Variants in TRAK1 observed in about 807,000 individuals in gnomAD.
TRAK1 encodes the protein trafficking kinesin-binding protein 1.
Under a neutral mutation model 92.1 loss-of-function variants are expected in TRAK1, and 33 were observed. The ratio of observed to expected loss-of-function variants is 0.36; its 90% confidence interval spans 0.27 to 0.48. TRAK1 has a LOEUF of 0.48. Ranked by LOEUF, TRAK1 falls within the 20% of genes least tolerant of loss-of-function variation. TRAK1 has a pLI of 0.99. For missense variants in TRAK1, 1,123 were observed against 1,257.9 expected (o/e 0.89, Z 1.62); for synonymous variants, 521 against 517.3 (o/e 1.01, Z -0.10).
intron 2 of TRAK1, among the ~76,000 whole-genome samples, chr3:42,131,044 G>A (rs73828569): frequency 0.11 from 16,527 of 152,120 alleles, 1,098 homozygotes; most frequent in African/African-American, 0.18. Context: ...GCGTTTATAC[G>A]GTTGGTTTTA....
intron 2 of TRAK1, among the ~76,000 whole-genome samples, chr3:42,130,930 A>G (rs989774284): frequency 1.3e-5 from 2 of 151,676 alleles, no homozygotes; most frequent in East Asian, 3.9e-4. Context: ...TCTCCTCACC[A>G]CTCTAGAGTT....
chr3:42,035,624 C>A (rs1227333579), intron 1 of TRAK1, among the ~76,000 whole-genome samples: 1 of 152,238 alleles, frequency 6.6e-6, no homozygotes, highest in Non-Finnish European at 1.5e-5. Flanking sequence ...CCTCCCAGAT[C>A]TCCCTAATTG....
At chr3:42,078,770 AAAGAAAGAAAG>A (rs1559741847) in intron 1 of TRAK1, among the ~76,000 whole-genome samples, 1 of 130,832 alleles carries the variant, frequency 7.6e-6, no homozygotes, top group Non-Finnish European at 1.8e-5. Context: ...AAAAAAAAAA[AAAGAAAGAAAG>A]AAAGAAAGAA....
chr3:42,096,257 T>C (rs1705892751), intron 1 of TRAK1, among the ~76,000 whole-genome samples: 1 of 152,204 alleles, frequency 6.6e-6, no homozygotes, highest in South Asian at 2.1e-4. Flanking sequence ...TTTATTTTAT[T>C]TCTATCTTTT....
Position 42,035,877 on chromosome 3 carries a change from G to A in TRAK1, c.-519+21760G>A, listed in dbSNP as rs573407512. ...TTCTGCAGTTACCTCTGCCTATATA[G>A]AGAACTCTGCCCACCCCCAAACCCT... is the stretch of plus-strand genomic sequence containing the variant. On this transcript the variant is annotated intron_variant, in intron 1 of 16. Coordinates refer to the TRAK1 transcript ENST00000487159. 5.3e-5 allele frequency among the ~76,000 whole-genome samples: 8 copies of A among 152,284 alleles called. No individual in the cohort carries two copies. In the South Asian group the frequency reaches 1.7e-3, roughly 32 times the overall value.
intron 14 of TRAK1, among the ~76,000 whole-genome samples, chr3:42,213,238 G>A (rs1193843482): frequency 6.6e-6 from 1 of 151,824 alleles, no homozygotes; most frequent in East Asian, 1.9e-4. Flanking sequence ...TTGTATTTTT[G>A]TAGAGACAGG....
intron 2 of TRAK1, among the ~76,000 whole-genome samples, chr3:42,135,175 T>A (rs1697789458): frequency 6.6e-6 from 1 of 152,216 alleles, no homozygotes; most frequent in Middle Eastern, 3.2e-3. Context: ...TTACCTTACC[T>A]ACCTACCATG....
At chr3:42,063,528 T>C (rs1265567024) in intron 1 of TRAK1, among the ~76,000 whole-genome samples, 1 of 151,848 alleles carries the variant, frequency 6.6e-6, no homozygotes, top group Non-Finnish European at 1.5e-5. Context: ...TCTACAAAAA[T>C]TACAAAAACT....
intron 2 of TRAK1, among the ~76,000 whole-genome samples, chr3:42,171,972 C>T (rs112266874): frequency 6.6e-6 from 1 of 152,318 alleles, no homozygotes; most frequent in South Asian, 2.1e-4. Context: ...CTCCATCCCC[C>T]CTCTCCGTCC....
chr3:42,083,663 C>T (rs1350326863), upstream of TRAK1, among the ~76,000 whole-genome samples: 2 of 152,214 alleles, frequency 1.3e-5, no homozygotes, highest in East Asian at 3.9e-4. Flanking sequence ...TCACTTGAGT[C>T]CAGTAGTTCC....
At chr3:42,099,627 G>C (rs941392107) in intron 1 of TRAK1, among the ~76,000 whole-genome samples, 1 of 152,186 alleles carries the variant, frequency 6.6e-6, no homozygotes, top group African/African-American at 2.4e-5. Context: ...ATGCTGAGGG[G>C]CTCTGACGTT....
chr3:42,131,281 C>G (rs1452072888), intron 2 of TRAK1, among the ~76,000 whole-genome samples: 2 of 152,188 alleles, frequency 1.3e-5, no homozygotes, highest in Non-Finnish European at 2.9e-5. Flanking sequence ...CCTGGCTTGG[C>G]TCCCAGTGCC....
chr3:42,118,061 G>A (rs565054940), intron 1 of TRAK1, among the ~76,000 whole-genome samples: 88 of 151,868 alleles, frequency 5.8e-4, no homozygotes, highest in African/African-American at 2.1e-3. Flanking sequence ...CTTGTGATCC[G>A]CCCACCTTGG....
intron 1 of TRAK1, among the ~76,000 whole-genome samples, chr3:42,070,099 G>A (rs540388038): frequency 4.9e-4 from 74 of 152,004 alleles, no homozygotes; most frequent in Non-Finnish European, 6.8e-4. Flanking sequence ...TGATCTGCCC[G>A]CCTTGGCCCC....
chr3:42,018,080 A>G (rs1348610366), intron 1 of TRAK1, among the ~76,000 whole-genome samples: 3 of 80,694 alleles, frequency 3.7e-5, no homozygotes, highest in Non-Finnish European at 7.6e-5. Context: ...GTGAGACCTC[A>G]TTGTTACAAA....
At chr3:42,110,766 A>G (rs1209540297) in intron 1 of TRAK1, among the ~76,000 whole-genome samples, 1 of 152,224 alleles carries the variant, frequency 6.6e-6, no homozygotes, top group African/African-American at 2.4e-5. Context: ...CAAAAGCCCC[A>G]GGTCTCCCAC....
intron 2 of TRAK1, among the ~76,000 whole-genome samples, chr3:42,152,086 C>A (rs1462053308): frequency 6.6e-6 from 1 of 152,162 alleles, no homozygotes; most frequent in African/African-American, 2.4e-5. Context: ...AGCTACTGTT[C>A]TCTTCTATCT....
intron 2 of TRAK1, among the ~76,000 whole-genome samples, chr3:42,171,270 A>G (rs1246215661): frequency 1.3e-5 from 2 of 152,194 alleles, no homozygotes; most frequent in South Asian, 2.1e-4. Flanking sequence ...GCTGACATCA[A>G]TGGGAGGAAT....
intron 13 of TRAK1, among the ~76,000 whole-genome samples, chr3:42,208,405 A>G (rs1708579966): frequency 6.6e-6 from 1 of 152,166 alleles, no homozygotes; most frequent in Non-Finnish European, 1.5e-5. Context: ...AGTTATTTCC[A>G]AGGGGTGTTT....
Sources: gnomAD v4.1 joint callset for allele counts (sites outside exome capture counted in the v4.1 genomes callset) on GRCh38, gnomAD v4.1.1 for gene constraint, MANE v1.5 for transcripts, NCBI Gene and HGNC (gene_info 2026-07-23, HGNC 2026-07-21) for gene names.